WDPCP: variants seen among roughly 807,000 people sequenced by gnomAD.
WDPCP encodes the protein WD repeat containing planar cell polarity effector.
A neutral mutation model predicts 93.1 loss-of-function variants in WDPCP; 71 were observed. The observed-to-expected ratio is 0.76, with a 90% CI of 0.63 to 0.93. The LOEUF is 0.93. Among genes scored for constraint, WDPCP ranks in the 40% least tolerant of loss-of-function variants. WDPCP has a pLI of 0.00. For synonymous variants in WDPCP, 315 were observed against 315.0 expected (o/e 1.00, Z 0.00); for missense variants, 844 against 887.4 (o/e 0.95, Z 0.62).
At chr2:63,314,241 A>G (rs939830615) in intron 12 of WDPCP, among the ~76,000 whole-genome samples, 2 of 151,384 alleles carry the variant, frequency 1.3e-5, no homozygotes, top group African/African-American at 2.4e-5. Flanking sequence ...CAGTGGTGCA[A>G]TCATCGCCTT....
At chr2:63,524,404 CAG>C (rs1703166210) in intron 1 of WDPCP, among the ~76,000 whole-genome samples, 1 of 152,172 alleles carries the variant, frequency 6.6e-6, no homozygotes, top group Non-Finnish European at 1.5e-5. Context: ...CAAAAACAGA[CAG>C]AGAGACCAAT....
At chr2:63,280,875 C>T (rs1222300547) in intron 13 of WDPCP, among the ~76,000 whole-genome samples, 1 of 152,132 alleles carries the variant, frequency 6.6e-6, no homozygotes, top group East Asian at 1.9e-4. Flanking sequence ...TATAAAAATT[C>T]TAGAAGATAA....
At chr2:63,350,094 T>C (rs1689475647) in intron 12 of WDPCP, among the ~76,000 whole-genome samples, 1 of 152,196 alleles carries the variant, frequency 6.6e-6, no homozygotes, top group African/African-American at 2.4e-5. Context: ...ATATACACCA[T>C]GGAATACTAT....
At chr2:63,415,024 C>T (rs189713080) in intron 9 of WDPCP, among the ~76,000 whole-genome samples, 1 of 152,110 alleles carries the variant, frequency 6.6e-6, no homozygotes, top group African/African-American at 2.4e-5. Context: ...ATGGCTAACA[C>T]TCATTTAAGG....
At chr2:63,182,350 A>G (rs1032097154) in intron 14 of WDPCP, among the ~76,000 whole-genome samples, 12 of 152,032 alleles carry the variant, frequency 7.9e-5, no homozygotes, top group Admixed American at 7.9e-4. Context: ...GGATTTTATC[A>G]CAAAAGGATC....
chr2:63,509,034 A>G (rs947624281), intron 1 of WDPCP, among the ~76,000 whole-genome samples: 1 of 152,162 alleles, frequency 6.6e-6, no homozygotes, highest in African/African-American at 2.4e-5. Context: ...CAAGACAGAA[A>G]ATTAACAAGG....
At chr2:63,653,872 T>C (rs972304062) in intron 2 of WDPCP, among the ~76,000 whole-genome samples, 4 of 145,282 alleles carry the variant, frequency 2.8e-5, no homozygotes, top group Non-Finnish European at 5.9e-5. Flanking sequence ...ATCGTGCCAC[T>C]GCACTCCAGC....
chr2:63,276,699 G>A (rs1297783825), intron 13 of WDPCP, among the ~76,000 whole-genome samples: 1 of 152,186 alleles, frequency 6.6e-6, no homozygotes, highest in African/African-American at 2.4e-5. Context: ...ATTTATAAAT[G>A]TGAAGAAAGC....
intron 2 of WDPCP, among the ~76,000 whole-genome samples, chr2:63,726,794 T>C (rs889543761): frequency 6.6e-6 from 1 of 152,190 alleles, no homozygotes; most frequent in East Asian, 1.9e-4. Flanking sequence ...GGCATTTTAT[T>C]CCTTTTGTGT....
intron 6 of WDPCP, among the ~76,000 whole-genome samples, chr2:63,457,824 T>C (rs1009533928): frequency 3.3e-5 from 5 of 151,900 alleles, no homozygotes; most frequent in Non-Finnish European, 5.9e-5. Context: ...TAAGGAAAGG[T>C]TGAAAGCTTT....
chr2:63,606,441 T>A (rs1709529282), intron 3 of WDPCP, among the ~76,000 whole-genome samples: 1 of 152,234 alleles, frequency 6.6e-6, no homozygotes, highest in South Asian at 2.1e-4. Context: ...TAGACATTTT[T>A]CTCAGCTTTA....
intron 17 of WDPCP, among the ~76,000 whole-genome samples, chr2:63,123,389 G>A (rs1204904565): frequency 1.3e-5 from 2 of 151,922 alleles, no homozygotes; most frequent in African/African-American, 4.8e-5. Context: ...AAGAACTATC[G>A]TGTCGTTCAG....
chr2:63,123,717 CAT>C (rs1574656484), intron 17 of WDPCP, among the ~76,000 whole-genome samples: 1 of 151,970 alleles, frequency 6.6e-6, no homozygotes, highest in East Asian at 1.9e-4. Context: ...TGAAGTAAAA[CAT>C]AATCATTAAA....
intron 12 of WDPCP, among the ~76,000 whole-genome samples, chr2:63,362,344 A>C (rs1690550911): frequency 7.7e-6 from 1 of 129,328 alleles, no homozygotes; most frequent in African/African-American, 3.0e-5. Flanking sequence ...AGAGGGAGGG[A>C]AAGAGGCAGA....
chr2:63,262,673 T>C (rs1681751485), intron 13 of WDPCP, among the ~76,000 whole-genome samples: 1 of 152,154 alleles, frequency 6.6e-6, no homozygotes, highest in African/African-American at 2.4e-5. Flanking sequence ...CAACAAATGA[T>C]TTCTGGAACA....
chr2:63,735,177 T>C (rs1261344221), intron 2 of WDPCP, among the ~76,000 whole-genome samples: 1 of 152,098 alleles, frequency 6.6e-6, no homozygotes, highest in African/African-American at 2.4e-5. Context: ...ATCTATAATA[T>C]AGAGTGGAAG....
chr2:63,357,930 A>C (rs1690143343), intron 12 of WDPCP, among the ~76,000 whole-genome samples: 1 of 152,230 alleles, frequency 6.6e-6, no homozygotes, highest in African/African-American at 2.4e-5. Flanking sequence ...GCAGCCATAA[A>C]AAAGAACGAG....
At chr2:63,156,732 T>C (rs1435831220) in intron 15 of WDPCP, among the ~76,000 whole-genome samples, 1 of 152,136 alleles carries the variant, frequency 6.6e-6, no homozygotes, top group South Asian at 2.1e-4. Context: ...AGCGAGACTC[T>C]GTCTCAAAAA....
chr2:63,525,704 A>G (rs895413050), intron 1 of WDPCP, among the ~76,000 whole-genome samples: 1 of 152,124 alleles, frequency 6.6e-6, no homozygotes, highest in African/African-American at 2.4e-5. Context: ...TCTCTTTCCT[A>G]GAGAGAAGGG....
Sources: allele counts gnomAD v4.1 joint callset (sites outside exome capture counted in the v4.1 genomes callset), GRCh38; gene constraint gnomAD v4.1.1; transcripts MANE v1.5; gene names NCBI Gene and HGNC (gene_info 2026-07-23, HGNC 2026-07-21).